DCBLD2: variants seen among roughly 807,000 people sequenced by gnomAD.
DCBLD2 encodes discoidin, CUB and LCCL domain containing 2.
In DCBLD2, 54 loss-of-function variants were observed where a neutral mutation model predicts 86.8. The observed-to-expected ratio is 0.62, with a 90% CI of 0.50 to 0.78. DCBLD2 has a LOEUF of 0.78. Among genes scored for constraint, DCBLD2 ranks in the 30% least tolerant of loss-of-function variants. DCBLD2 has a pLI of 0.00. For missense variants in DCBLD2, 908 were observed against 954.2 expected, an observed-to-expected ratio of 0.95 and a Z score of 0.64; for synonymous variants, 354 against 341.3, an observed-to-expected ratio of 1.04 and a Z score of -0.41.
chr3:98,867,108 A>G (rs996849149), intron 2 of DCBLD2, among the ~76,000 whole-genome samples: 1 of 152,160 alleles, frequency 6.6e-6, no homozygotes, highest in African/African-American at 2.4e-5. Context: ...TGGTTACTGT[A>G]GCCTTGTAGT....
At chr3:98,842,453 T>C (rs73138019) in intron 3 of DCBLD2, among the ~76,000 whole-genome samples, 3,531 of 152,310 alleles carry the variant, frequency 0.023, 65 homozygotes, top group Non-Finnish European at 0.034. Flanking sequence ...ACATATATAG[T>C]ATAGTACAAC....
chr3:98,836,924 A>G (rs1436179772), intron 3 of DCBLD2, among the ~76,000 whole-genome samples: 1 of 46,432 alleles, frequency 2.2e-5, no homozygotes, highest in African/African-American at 8.4e-5. Context: ...CGGGGGGCTG[A>G]CCCCCCCACC....
At chr3:98,866,076 A>G (rs1030019254) in intron 2 of DCBLD2, among the ~76,000 whole-genome samples, 5 of 152,008 alleles carry the variant, frequency 3.3e-5, no homozygotes, top group African/African-American at 1.2e-4. Context: ...TCCATGGTGT[A>G]TATGTGCCAC....
intron 9 of DCBLD2, chr3:98,815,869 G>GA (rs945669708): frequency 4.7e-5 from 7 of 150,530 alleles, no homozygotes; most frequent in African/African-American, 1.7e-4. Flanking sequence ...GAAAAAGACT[G>GA]AAAAAAATAA....
intron 3 of DCBLD2, among the ~76,000 whole-genome samples, chr3:98,826,019 C>T (rs1455145288): frequency 6.6e-6 from 1 of 151,246 alleles, no homozygotes; most frequent in Non-Finnish European, 1.5e-5. Flanking sequence ...TTCTTAAGCA[C>T]ACGGAAGCTG....
intron 9 of DCBLD2, chr3:98,815,698 C>CT (rs1301433324): frequency 6.6e-6 from 1 of 152,040 alleles, no homozygotes; most frequent in Admixed American, 6.6e-5. Flanking sequence ...TAAAGACACA[C>CT]TGGAGACATC....
At chr3:98,814,876 G>T (rs565800806) in intron 9 of DCBLD2, 35 of 152,342 alleles carry the variant, frequency 2.3e-4, no homozygotes, top group African/African-American at 7.9e-4. Context: ...ATAACAGGCT[G>T]CCTTGGGCAA....
At chr3:98,863,794 T>G (rs972351136) in intron 2 of DCBLD2, among the ~76,000 whole-genome samples, 16 of 152,314 alleles carry the variant, frequency 1.1e-4, no homozygotes, top group African/African-American at 3.8e-4. Flanking sequence ...ATTCAGGACA[T>G]AGGCATGGAC....
intron 11 of DCBLD2, 27 bp downstream of exon 11, chr3:98,811,430 CAAGGAATATCA>C: frequency 6.2e-7 from 1 of 1,612,644 alleles, no homozygotes; most frequent in Non-Finnish European, 8.5e-7. Context: ...ACCATAAATC[CAAGGAATATCA>C]AATTCTCACA....
chr3:98,865,286 T>TA (rs904317799), intron 2 of DCBLD2, among the ~76,000 whole-genome samples: 45 of 147,634 alleles, frequency 3.0e-4, no homozygotes, highest in East Asian at 9.9e-4. Flanking sequence ...CAGCCTGTAT[T>TA]AAAAAAAAAA....
chr3:98,804,964 C>G (rs932009409), intron 13 of DCBLD2: 2 of 152,272 alleles, frequency 1.3e-5, no homozygotes, highest in Non-Finnish European at 2.9e-5. Context: ...TTACTTTCAA[C>G]TATGTGGTCA....
intron 3 of DCBLD2, among the ~76,000 whole-genome samples, chr3:98,827,313 T>A (rs1942241123): frequency 6.6e-6 from 1 of 152,166 alleles, no homozygotes; most frequent in Non-Finnish European, 1.5e-5. Context: ...ACCAAAAAAA[T>A]TTCCGACTTC....
At chr3:98,846,882 T>TA (rs370704603) in intron 3 of DCBLD2, among the ~76,000 whole-genome samples, 27 of 151,968 alleles carry the variant, frequency 1.8e-4, no homozygotes, top group Admixed American at 1.2e-3. Flanking sequence ...AACCTTTTTT[T>TA]AAAAAAACAG....
intron 2 of DCBLD2, among the ~76,000 whole-genome samples, chr3:98,865,755 G>A (rs1326185605): frequency 1.3e-5 from 2 of 151,874 alleles, no homozygotes; most frequent in African/African-American, 4.8e-5. Context: ...GGGTACATGT[G>A]CACAACGTGC....
At chr3:98,814,058 T>C (rs948557516) in intron 9 of DCBLD2, 3 of 152,228 alleles carry the variant, frequency 2.0e-5, no homozygotes, top group Non-Finnish European at 4.4e-5. Flanking sequence ...TGATTTTTTT[T>C]CTAATCAGCT....
chr3:98,808,221 C>G (rs1279702214), intron 12 of DCBLD2, 47 bp from the exon 13 acceptor site: 1 of 1,486,054 alleles, frequency 6.7e-7, no homozygotes, highest in Admixed American at 2.4e-5. Flanking sequence ...CATATTAACA[C>G]CAAAGGCAGA....
chr3:98,863,137 T>C (rs1425734138), intron 2 of DCBLD2, among the ~76,000 whole-genome samples: 1 of 152,008 alleles, frequency 6.6e-6, no homozygotes, highest in African/African-American at 2.4e-5. Flanking sequence ...TCAAAGAGAA[T>C]AAAATAACTA....
chr3:98,824,291 G>C (rs1426021665), intron 4 of DCBLD2, among the ~76,000 whole-genome samples: 2 of 148,650 alleles, frequency 1.3e-5, no homozygotes, highest in Non-Finnish European at 3.0e-5. Flanking sequence ...GGAATCATGA[G>C]TGGAGGCTGG....
intron 10 of DCBLD2, among the ~76,000 whole-genome samples, chr3:98,811,801 G>A (rs546904110): frequency 3.3e-4 from 50 of 152,216 alleles, no homozygotes; most frequent in Admixed American, 1.6e-3. Context: ...GAATAATGGG[G>A]TGGAAAGTGA....
Sources: gnomAD v4.1 joint callset for allele counts (sites outside exome capture counted in the v4.1 genomes callset) on GRCh38, gnomAD v4.1.1 for gene constraint, MANE v1.5 for transcripts, NCBI Gene and HGNC (gene_info 2026-07-23, HGNC 2026-07-21) for gene names.